The following GPR137B variants were observed in gnomAD, a reference collection of about 807,000 sequenced individuals.
GPR137B encodes integral membrane protein GPR137B.
A neutral mutation model predicts 42.5 loss-of-function variants in GPR137B; 42 were observed. The observed-to-expected ratio is 0.99, with a 90% CI of 0.77 to 1.28. The LOEUF (loss-of-function observed/expected upper bound fraction) is 1.28. GPR137B is among the 50% of genes most tolerant of loss of function. The probability of loss-of-function intolerance (pLI) is 0.00; values close to 1 mark genes in which losing one functional copy is unlikely to be tolerated. For synonymous variants in GPR137B, 218 were observed against 209.7 expected (o/e 1.04, Z -0.34); for missense variants, 487 against 493.9 (o/e 0.99, Z 0.13).
intron 5 of GPR137B, among the ~76,000 whole-genome samples, chr1:236,190,323 C>A (rs985498609): frequency 6.6e-6 from 1 of 152,006 alleles, no homozygotes; most frequent in African/African-American, 2.4e-5. Context: ...GGCATTTAGC[C>A]CATTTACATT....
Position 236,178,604 on chromosome 1 carries a change from A to G in GPR137B, c.655A>G (p.Met219Val), listed in dbSNP as rs758194731. 2 of 1,611,414 alleles carry G rather than the reference A, an allele frequency of 1.2e-6. No individual in the cohort carries two copies. Among genetic ancestry groups the G allele is most frequent in the Non-Finnish European group, 1.7e-6 (2 of 1,178,962 alleles). The change falls in exon 3 of 7, where the codon ATG (methionine) becomes GTG (valine). Residue 219 changes from methionine (M) to valine (V), a missense_variant. By Grantham distance (21) the Met-to-Val change is conservative. Coordinates refer to ENST00000366592, the MANE Select transcript of GPR137B (RefSeq NM_003272.4). ...LSICLYKISK[M>V]SLANIYLESK... Reference sequence around the variant, plus strand: ...CATCTGTCTCTACAAAATCTCTAAGATGTCCTTAGCCAACATTTACTTGGA... The same window carrying G: ...CATCTGTCTCTACAAAATCTCTAAGGTGTCCTTAGCCAACATTTACTTGGA...
intron 1 of GPR137B, among the ~76,000 whole-genome samples, chr1:236,143,508 G>A (rs1008831197): frequency 6.6e-6 from 1 of 152,244 alleles, no homozygotes; most frequent in African/African-American, 2.4e-5. Context: ...TGTTTTGAGC[G>A]TTGGCAGGGT....
At chr1:236,145,869 A>G (rs1661668067) in intron 1 of GPR137B, among the ~76,000 whole-genome samples, 1 of 152,154 alleles carries the variant, frequency 6.6e-6, no homozygotes, top group Admixed American at 6.5e-5. Context: ...TATGTACAGT[A>G]TGTGAAACCT....
intron 1 of GPR137B, among the ~76,000 whole-genome samples, chr1:236,146,641 A>G (rs1403904613): frequency 6.6e-6 from 1 of 152,198 alleles, no homozygotes; most frequent in African/African-American, 2.4e-5. Context: ...AATGCACACG[A>G]TGCTGCAGTA....
chr1:236,152,325 A>G (rs558662686), intron 1 of GPR137B, among the ~76,000 whole-genome samples: 1 of 152,122 alleles, frequency 6.6e-6, no homozygotes, highest in South Asian at 2.1e-4. Context: ...AGCCAAGCAT[A>G]GTGGCATGCA....
At chr1:236,145,267 C>G (rs78725321) in intron 1 of GPR137B, among the ~76,000 whole-genome samples, 6,118 of 152,296 alleles carry the variant, frequency 0.04, 380 homozygotes, top group African/African-American at 0.12. Flanking sequence ...CGCTCACCCC[C>G]TCTTTCTCTT....
chr1:236,181,431 A>G (rs1434793730), intron 4 of GPR137B, among the ~76,000 whole-genome samples: 1 of 152,184 alleles, frequency 6.6e-6, no homozygotes, highest in African/African-American at 2.4e-5. Flanking sequence ...TTTATGGTCC[A>G]CTAAGGAAAA....
At position 236,207,277 on chromosome 1, in the gene GPR137B, G is replaced by A. The variant is rs1427386837; in HGVS notation, c.1092-773G>A. ...AATGCGCTGAGCCAGCAGATGTAAA[G>A]AACGTAAGCTGGAAGCAAGCCAACA... On this transcript the variant is annotated intron_variant, in intron 6 of 6. Transcript: ENST00000366592. The A allele has an allele frequency of 8.1e-6, 8 of 985,362 alleles. No homozygotes were observed. In the South Asian group the frequency reaches 2.3e-4, roughly 29 times the overall value. 61.0% of individuals were successfully genotyped at this position (985,362 alleles called of 1,614,324 possible). A position where few individuals can be genotyped will look rare whatever the true frequency, so the allele number is the denominator to read the frequency against.
At position 236,192,620 on chromosome 1, in the gene GPR137B, G is replaced by A. The variant is rs139923760; in HGVS notation, c.966+8714G>A. Among the ~76,000 whole-genome samples the A allele has an allele frequency of 3.1e-3, 479 of 152,108 alleles. 8 individuals carry two copies. The highest frequency in any genetic ancestry group is 0.024 in the Admixed American group (371 of 15,284). On this transcript the variant is annotated intron_variant, in intron 5 of 6. Coordinates refer to ENST00000366592, the MANE Select transcript of GPR137B (RefSeq NM_003272.4). ...AATTCCCTGACTCCTTGCACTTCTC[G>A]ATCGAGGCGACACCCCACCCTGCTT...
intron 1 of GPR137B, among the ~76,000 whole-genome samples, chr1:236,154,699 G>T (rs1023243955): frequency 6.6e-6 from 1 of 152,106 alleles, no homozygotes; most frequent in Admixed American, 6.5e-5. Context: ...CACTTCTGAA[G>T]CAGAAAGTTA....
intron 1 of GPR137B, among the ~76,000 whole-genome samples, chr1:236,153,407 A>G (rs936942072): frequency 2.0e-5 from 3 of 152,196 alleles, no homozygotes; most frequent in Non-Finnish European, 4.4e-5. Flanking sequence ...CCTTTCTCCT[A>G]GCATAGTGTT....
intron 1 of GPR137B, among the ~76,000 whole-genome samples, 195 bp from the exon 2 acceptor site, chr1:236,168,511 T>C (rs1438081428): frequency 2.0e-5 from 3 of 152,004 alleles, no homozygotes; most frequent in Middle Eastern, 3.2e-3. Context: ...TTTTTAACCA[T>C]GTTCGAATTC....
rs1661580312 is a variant in GPR137B at position 236,143,178 on chromosome 1, C to T, written c.414+142C>T. On this transcript the variant is annotated intron_variant, in intron 1 of 6. Coordinates refer to ENST00000366592, the MANE Select transcript of GPR137B (RefSeq NM_003272.4). Reference sequence around the variant, plus strand: ...AGGGAGAAGGCGCCGGCTCTGGGGTCGTCCGAACCCTGTCCTGTTTGCGGG... The same window carrying T: ...AGGGAGAAGGCGCCGGCTCTGGGGTTGTCCGAACCCTGTCCTGTTTGCGGG... 7.4e-6 allele frequency: 5 copies of T among 677,152 alleles called. No individual in the cohort carries two copies. The East Asian group carries it at 7.7e-5, about 10-fold the overall frequency. The allele number at this position is 677,152 out of a possible 1,614,324, so 41.9% of individuals were successfully genotyped here.
rs897871221 is a variant in GPR137B, at chr1:236,156,154, C to G, written c.415-12552C>G. 1.3e-5 allele frequency among the ~76,000 whole-genome samples: 2 copies of G among 152,170 alleles called. No homozygotes were observed. The highest frequency in any genetic ancestry group is 4.8e-5 in the African/African-American group (2 of 41,442). ...AGCAATTATGGTTGGCTTCTGATCA[C>G]GTGGGAAGAAGCTCACTGAAGTCTG... On this transcript the variant is annotated intron_variant, in intron 1 of 6. Transcript: ENST00000366592. This position sits in a 1 kb window ranked among gnomAD's most constrained non-coding sequence, Gnocchi z 4.8.
chr1:236,182,749 A>AC (rs397830104), intron 4 of GPR137B, among the ~76,000 whole-genome samples: 2 of 149,712 alleles, frequency 1.3e-5, no homozygotes, highest in South Asian at 2.1e-4. Flanking sequence ...AAACAAACAA[A>AC]AAATATATAT....
chr1:236,186,234 T>TA (rs1292237370), intron 5 of GPR137B, among the ~76,000 whole-genome samples: 1 of 31,020 alleles, frequency 3.2e-5, no homozygotes, highest in South Asian at 8.0e-4. Context: ...ATATAATATA[T>TA]AATAATATAA....
Position 236,179,953 on chromosome 1 carries a change from C to G in GPR137B, c.762C>G (p.Asn254Lys). The G allele has an allele frequency of 3.7e-6, 6 of 1,612,382 alleles. No homozygotes were observed. The highest frequency in any genetic ancestry group is 5.1e-6 in the Non-Finnish European group (6 of 1,178,500). Reference protein sequence around the residue: ...ILLYTSRACYNLFILSFSQNK... With the variant: ...ILLYTSRACYKLFILSFSQNK... ...TTTACACCTCTCGGGCCTGCTACAA[C>G]CTGTTCATCCTGTCATTTTCTCAGA... Residue 254 changes from asparagine (N) to lysine (K), a missense_variant, in exon 4 of 7, where the codon AAC becomes AAG. Coordinates refer to ENST00000366592, the MANE Select transcript of GPR137B (RefSeq NM_003272.4).
chr1:236,202,781 G>A (rs1663530661), intron 5 of GPR137B, among the ~76,000 whole-genome samples: 1 of 152,146 alleles, frequency 6.6e-6, no homozygotes, highest in Non-Finnish European at 1.5e-5. Flanking sequence ...AGAAATTTTT[G>A]CCCAGACCCA....
intron 5 of GPR137B, among the ~76,000 whole-genome samples, chr1:236,195,707 T>C (rs777895303): frequency 2.0e-5 from 3 of 152,216 alleles, no homozygotes; most frequent in Non-Finnish European, 4.4e-5. Flanking sequence ...GTTGTACTAA[T>C]ATACATTCTC....
Sources: gnomAD v4.1 joint callset for allele counts (sites outside exome capture counted in the v4.1 genomes callset) on GRCh38, gnomAD v4.1.1 for gene constraint, Gnocchi (gnomAD v3.1) non-coding constraint, MANE v1.5 for transcripts, NCBI Gene and HGNC (gene_info 2026-07-23, HGNC 2026-07-21) for gene names.